Variants in PSME4 observed in about 807,000 individuals in gnomAD.
The protein encoded by PSME4 is proteasome activator subunit 4.
A neutral mutation model predicts 253.9 loss-of-function variants in PSME4; 89 were observed. The observed-to-expected ratio is 0.35, with a 90% confidence interval of 0.30 to 0.42. The LOEUF (loss-of-function observed/expected upper bound fraction) is 0.42. PSME4 is among the 10% of genes least tolerant of loss of function. The pLI is 1.00. For synonymous variants in PSME4, 851 were observed against 759.2 expected (o/e 1.12, Z -1.99); for missense variants, 2,014 against 2,195.2 (o/e 0.92, Z 1.65).
chr2:53,883,712 C>T (rs1679503226), intron 41 of PSME4, among the ~76,000 whole-genome samples: 1 of 151,874 alleles, frequency 6.6e-6, no homozygotes, highest in Non-Finnish European at 1.5e-5. Context: ...TCTCATCACC[C>T]TAACCTGTGA....
chr2:53,965,162 C>A (rs982374550), intron 1 of PSME4, among the ~76,000 whole-genome samples: 2 of 152,026 alleles, frequency 1.3e-5, no homozygotes, highest in South Asian at 4.1e-4. Flanking sequence ...GTAATCCATT[C>A]GCTTATTCTC....
intron 24 of PSME4, 24 bp downstream of exon 24, chr2:53,908,296 A>T (rs377405688): frequency 6.4e-7 from 1 of 1,561,552 alleles, no homozygotes; most frequent in Non-Finnish European, 8.8e-7. Context: ...CAATTAGTGC[A>T]GACTTTTAGG....
At chr2:53,940,927 T>TATAA (rs1669376251) in intron 3 of PSME4, among the ~76,000 whole-genome samples, 1 of 99,676 alleles carries the variant, frequency 1.0e-5, no homozygotes, top group Non-Finnish European at 2.0e-5. Context: ...AATATATATA[T>TATAA]AATACATATA....
chr2:53,900,401 A>C (rs939927804), intron 28 of PSME4, among the ~76,000 whole-genome samples: 2 of 146,936 alleles, frequency 1.4e-5, no homozygotes, highest in Non-Finnish European at 3.0e-5. Flanking sequence ...CTCTCTCTCA[A>C]AAAAAAAAAA....
intron 14 of PSME4, among the ~76,000 whole-genome samples, chr2:53,924,304 T>C (rs2104454114): frequency 6.6e-6 from 1 of 152,348 alleles, no homozygotes; most frequent in East Asian, 1.9e-4. Context: ...TAGTATTTAT[T>C]TCACACAGCT....
At chr2:53,937,976 G>C (rs1408662756) in intron 4 of PSME4, among the ~76,000 whole-genome samples, 3 of 150,552 alleles carry the variant, frequency 2.0e-5, no homozygotes, top group Admixed American at 6.6e-5. Context: ...CTGGGCAACA[G>C]AGTGAGACTC....
chr2:53,919,227 G>A lies in PSME4; in HGVS notation c.2440C>T (p.Leu814=). The A allele has an allele frequency of 6.3e-7, 1 of 1,596,244 alleles. No homozygotes were observed. Among genetic ancestry groups the A allele is most frequent in the South Asian group, 1.1e-5 (1 of 86,988 alleles). ...ATTAAACAGTTGTGCACTATAGTCAGACTCTGTAGAATATCATCTCTAGAA... is the reference window on the plus strand; with the variant it reads ...ATTAAACAGTTGTGCACTATAGTCAAACTCTGTAGAATATCATCTCTAGAA... ...EMSRDDILQS[L]TIVHNCLIGS... The change falls in exon 20 of 47, where the codon CTG becomes TTG. Residue 814 remains leucine (L), a synonymous_variant. Coordinates refer to ENST00000404125, the MANE Select transcript of PSME4 (RefSeq NM_014614.3).
chr2:53,905,829 T>C (rs1426053043), intron 26 of PSME4, among the ~76,000 whole-genome samples: 1 of 152,094 alleles, frequency 6.6e-6, no homozygotes, highest in Non-Finnish European at 1.5e-5. Context: ...AAAATAAAAA[T>C]AAAGTAAAAT....
intron 3 of PSME4, among the ~76,000 whole-genome samples, chr2:53,948,189 T>C (rs935779141): frequency 6.6e-6 from 1 of 152,176 alleles, no homozygotes; most frequent in East Asian, 1.9e-4. Context: ...AAAAATTAGC[T>C]ATCAAAGAGG....
intron 44 of PSME4, among the ~76,000 whole-genome samples, chr2:53,868,990 TA>T (rs1226291301): frequency 6.6e-6 from 1 of 152,118 alleles, no homozygotes; most frequent in Non-Finnish European, 1.5e-5. Context: ...CCTCTCCAAA[TA>T]AAAAACAAGG....
chr2:53,865,896 G>GC (rs1255096886), intron 46 of PSME4, 189 bp downstream of exon 46: 3 of 612,000 alleles, frequency 4.9e-6, no homozygotes, highest in South Asian at 4.6e-5. Context: ...TAAACCTAAA[G>GC]CAAGGAGGCA....
At chr2:53,885,321 C>T (rs1679586665) in intron 41 of PSME4, among the ~76,000 whole-genome samples, 1 of 152,148 alleles carries the variant, frequency 6.6e-6, no homozygotes, top group Non-Finnish European at 1.5e-5. Flanking sequence ...ATATACTGAA[C>T]ATTTTCGTTT....
intron 41 of PSME4, among the ~76,000 whole-genome samples, chr2:53,878,500 C>G (rs1178241009): frequency 6.6e-6 from 1 of 152,182 alleles, no homozygotes; most frequent in Non-Finnish European, 1.5e-5. Context: ...TGCCTGTGAG[C>G]CTGGTGGAAC....
intron 43 of PSME4, among the ~76,000 whole-genome samples, chr2:53,871,924 G>A (rs1198213966): frequency 3.3e-5 from 5 of 152,036 alleles, no homozygotes; most frequent in African/African-American, 1.2e-4. Flanking sequence ...TGAAGCAGGA[G>A]AATCGCTTCA....
rs805389 is a variant in PSME4, at chr2:53,874,316, G to A, written c.5100+23C>T. 3.5e-3 allele frequency: 5,575 copies of A among 1,595,936 alleles called. 16 individuals are homozygous for A. Among genetic ancestry groups the A allele is most frequent in the Non-Finnish European group, 4.2e-3 (4,874 of 1,173,032 alleles). ...GTTTCTTTAAATTGACTGAATTTCCGTTTTCTATAACTTAAATTTTACCTC... is the reference window on the plus strand; with the variant it reads ...GTTTCTTTAAATTGACTGAATTTCCATTTTCTATAACTTAAATTTTACCTC... On this transcript the variant is annotated intron_variant, in intron 43 of 46. Transcript: ENST00000404125.
rs1678759672 is a variant in PSME4 at position 53,869,443 on chromosome 2, G to A, written c.5196C>T (p.Cys1732=). 1 of 1,610,324 alleles carries A rather than the reference G, an allele frequency of 6.2e-7. No homozygotes were observed. The highest frequency in any genetic ancestry group is 8.5e-7 in the Non-Finnish European group (1 of 1,177,432). ...SPMQIHFEQL[C]KTKLPKKRKR... Reference sequence around the variant, plus strand: ...TTCTTTTCTTAGGTAGTTTTGTTTTGCAAAGTTGCTCAAAATGAATCTGCA... The same window carrying A: ...TTCTTTTCTTAGGTAGTTTTGTTTTACAAAGTTGCTCAAAATGAATCTGCA... Residue 1732 remains cysteine, a synonymous_variant, in exon 44 of 47, where the codon TGC becomes TGT. Coordinates refer to ENST00000404125, the MANE Select transcript of PSME4 (RefSeq NM_014614.3).
intron 41 of PSME4, among the ~76,000 whole-genome samples, chr2:53,884,358 G>GC (rs796633630): frequency 2.0e-5 from 3 of 152,114 alleles, no homozygotes; most frequent in African/African-American, 7.2e-5. Flanking sequence ...CTACAGGCGT[G>GC]CGCCACCATG....
chr2:53,945,436 G>C (rs1167461053), intron 3 of PSME4, among the ~76,000 whole-genome samples: 1 of 152,082 alleles, frequency 6.6e-6, no homozygotes. Flanking sequence ...CTGAGATGAG[G>C]ATAAAGAGAC....
At chr2:53,962,400 C>CAAAA (rs113383017) in intron 1 of PSME4, among the ~76,000 whole-genome samples, 4 of 53,806 alleles carry the variant, frequency 7.4e-5, no homozygotes, top group African/African-American at 2.5e-4. Context: ...ACAAGCTTGC[C>CAAAA]AAAAAAAAAA....
Sources: allele counts gnomAD v4.1 joint callset (sites outside exome capture counted in the v4.1 genomes callset), GRCh38; gene constraint gnomAD v4.1.1; transcripts MANE v1.5; gene names NCBI Gene and HGNC (gene_info 2026-07-23, HGNC 2026-07-21).